TBC1D22A: variants seen among roughly 807,000 people sequenced by gnomAD.
TBC1D22A encodes the protein TBC1 domain family member 22A.
TBC1D22A carries 38 observed loss-of-function variants against 60.2 expected under a neutral mutation model. That is an observed-to-expected ratio of 0.63 (90% CI 0.49 to 0.83). The LOEUF is 0.83. Ranked by LOEUF, TBC1D22A falls within the 40% of genes least tolerant of loss-of-function variation. The pLI is 0.00. For synonymous variants in TBC1D22A, 302 were observed against 281.7 expected (o/e 1.07, Z -0.72); for missense variants, 628 against 701.0 (o/e 0.90, Z 1.18).
At chr22:47,155,606 T>A (rs770185270) in intron 12 of TBC1D22A, among the ~76,000 whole-genome samples, 3 of 151,638 alleles carry the variant, frequency 2.0e-5, no homozygotes, top group Non-Finnish European at 4.4e-5. Context: ...CTCAAAGGCA[T>A]GAGGGCCGGC....
intron 11 of TBC1D22A, among the ~76,000 whole-genome samples, chr22:47,081,894 A>G (rs1028784280): frequency 1.3e-5 from 2 of 152,228 alleles, no homozygotes; most frequent in Admixed American, 6.5e-5. Context: ...ATGGTCGCTC[A>G]TGCTTGTAAT....
intron 10 of TBC1D22A, among the ~76,000 whole-genome samples, chr22:47,008,855 G>A (rs943684831): frequency 3.9e-5 from 6 of 152,208 alleles, no homozygotes; most frequent in Non-Finnish European, 5.9e-5. Context: ...CTCCCACCGG[G>A]AAGTTAGAAG....
chr22:46,904,099 C>CTATT (rs2069215403), intron 7 of TBC1D22A, among the ~76,000 whole-genome samples: 3 of 40,650 alleles, frequency 7.4e-5, no homozygotes, highest in Admixed American at 2.7e-4. Context: ...TAAATAAAAT[C>CTATT]TATCTATCTA....
At chr22:46,847,946 TG>T (rs1569125483) in intron 4 of TBC1D22A, among the ~76,000 whole-genome samples, 2 of 130,344 alleles carry the variant, frequency 1.5e-5, no homozygotes, top group Non-Finnish European at 3.4e-5. Context: ...TGTGTGTGTG[TG>T]TGTGTGTGCG....
At chr22:46,811,335 G>A (rs140733083) in intron 4 of TBC1D22A, among the ~76,000 whole-genome samples, 365 of 152,334 alleles carry the variant, frequency 2.4e-3, no homozygotes, top group African/African-American at 8.3e-3. Flanking sequence ...TCATTCATCC[G>A]TCAGACACGA....
chr22:46,922,313 A>G (rs2070805470), intron 8 of TBC1D22A, among the ~76,000 whole-genome samples: 1 of 152,212 alleles, frequency 6.6e-6, no homozygotes, highest in Non-Finnish European at 1.5e-5. Context: ...CTTGAAGTAT[A>G]GTTTCAAGTG....
intron 11 of TBC1D22A, among the ~76,000 whole-genome samples, chr22:47,060,106 G>C (rs760987514): frequency 6.6e-6 from 1 of 152,112 alleles, no homozygotes; most frequent in Non-Finnish European, 1.5e-5. Flanking sequence ...CTGATTGTTG[G>C]TGCATGTTTT....
At chr22:46,997,503 C>T (rs746789253) in intron 9 of TBC1D22A, 131 bp from the exon 10 acceptor site, 17 of 698,454 alleles carry the variant, frequency 2.4e-5, no homozygotes, top group Admixed American at 2.1e-4. Context: ...GTGTGTTTCT[C>T]GAGATAAAAT....
At chr22:46,850,911 A>G (rs1022249651) in intron 4 of TBC1D22A, among the ~76,000 whole-genome samples, 5 of 152,260 alleles carry the variant, frequency 3.3e-5, no homozygotes, top group African/African-American at 9.6e-5. Flanking sequence ...GTTAAGTGAA[A>G]TAAATCACAG....
Position 47,009,316 on chromosome 22 carries a change from CATGTCATCATCACCATCATT to C in TBC1D22A, c.1201+11617_1201+11636del, listed in dbSNP as rs1310246339. 2.0e-5 allele frequency among the ~76,000 whole-genome samples: 3 copies of C among 151,780 alleles called. No homozygotes were observed. Among genetic ancestry groups the C allele is most frequent in the Non-Finnish European group, 4.4e-5 (3 of 67,952 alleles). On this transcript the variant is annotated intron_variant, in intron 10 of 12. Coordinates refer to ENST00000337137, the MANE Select transcript of TBC1D22A (RefSeq NM_014346.5). The surrounding 1 kb of genome is among the most constrained non-coding windows in gnomAD (Gnocchi z 5.8). ...TCATAAACACCATCATCACCACCAT[CATGTCATCATCACCATCATT>C]ATGTCATCACCACCATCATCATCAC...
intron 4 of TBC1D22A, among the ~76,000 whole-genome samples, chr22:46,814,015 C>T (rs944724177): frequency 1.3e-5 from 2 of 152,274 alleles, no homozygotes; most frequent in Non-Finnish European, 2.9e-5. Context: ...TTGCTGGTTT[C>T]TGCCTTTCCG....
At chr22:46,952,321 T>A (rs2072957241) in intron 8 of TBC1D22A, among the ~76,000 whole-genome samples, 1 of 110,966 alleles carries the variant, frequency 9.0e-6, no homozygotes, top group Non-Finnish European at 2.1e-5. Context: ...CTGCCTGGGC[T>A]GTTGGTTCTC....
At chr22:46,957,360 A>G (rs1170522578) in intron 8 of TBC1D22A, among the ~76,000 whole-genome samples, 1 of 152,264 alleles carries the variant, frequency 6.6e-6, no homozygotes, top group Non-Finnish European at 1.5e-5. Flanking sequence ...AACAGGAAGC[A>G]TGGCTGGAAG....
intron 8 of TBC1D22A, among the ~76,000 whole-genome samples, chr22:46,938,017 T>C (rs1202216841): frequency 6.6e-6 from 1 of 152,208 alleles, no homozygotes; most frequent in Non-Finnish European, 1.5e-5. Flanking sequence ...AAAGTTCATT[T>C]ATTACTGATG....
intron 11 of TBC1D22A, among the ~76,000 whole-genome samples, chr22:47,064,518 A>G (rs1026267967): frequency 4.6e-5 from 7 of 152,200 alleles, no homozygotes; most frequent in East Asian, 1.9e-4. Context: ...TTCAGAAAAC[A>G]TTATTCCTTT....
rs554032207 is a variant in TBC1D22A at position 47,159,402 on chromosome 22, C to G, written c.1426-14096C>G. 2.0e-5 allele frequency among the ~76,000 whole-genome samples: 3 copies of G among 151,252 alleles called. No homozygotes were observed. The East Asian group carries it at 5.9e-4, about 29-fold the overall frequency. On this transcript the variant is annotated intron_variant, in intron 12 of 12. Coordinates refer to ENST00000337137, the MANE Select transcript of TBC1D22A (RefSeq NM_014346.5). ...ACACAGACACACCACACACCACACT[C>G]TCACCATGTATACACACAGACACCA...
chr22:46,786,355 A>G (rs1048679501), intron 1 of TBC1D22A, among the ~76,000 whole-genome samples: 3 of 152,174 alleles, frequency 2.0e-5, no homozygotes, highest in Non-Finnish European at 4.4e-5. Context: ...CATTTCTTGG[A>G]TAAATTCCAC....
intron 8 of TBC1D22A, among the ~76,000 whole-genome samples, chr22:46,955,151 G>A (rs2073121001): frequency 6.6e-6 from 1 of 152,122 alleles, no homozygotes; most frequent in Non-Finnish European, 1.5e-5. Context: ...TCAGCGTAGT[G>A]TTACGTGGTA....
At chr22:47,109,493 G>T (rs530877692) in intron 11 of TBC1D22A, among the ~76,000 whole-genome samples, 1 of 152,206 alleles carries the variant, frequency 6.6e-6, no homozygotes, top group Admixed American at 6.5e-5. Flanking sequence ...CATTCCTGTG[G>T]GTCGTTCAGT....
Sources: allele counts gnomAD v4.1 joint callset (sites outside exome capture counted in the v4.1 genomes callset), GRCh38; gene constraint gnomAD v4.1.1; non-coding constraint Gnocchi (gnomAD v3.1); transcripts MANE v1.5; gene names NCBI Gene and HGNC (gene_info 2026-07-23, HGNC 2026-07-21).